The following IL33 variants were observed in gnomAD, a reference collection of about 807,000 sequenced individuals.
The protein encoded by IL33 is interleukin-33.
IL33 carries 37 observed loss-of-function variants against 27.3 expected under a neutral mutation model. That is an observed-to-expected ratio of 1.36 (90% CI 1.04 to 1.78). The LOEUF (loss-of-function observed/expected upper bound fraction) is 1.78. Ranked by LOEUF, IL33 falls within the 40% of genes most tolerant of loss-of-function variation. The pLI is 0.00. For missense variants in IL33, 406 were observed against 311.4 expected (o/e 1.30, Z -2.29); for synonymous variants, 132 against 102.9 (o/e 1.28, Z -1.71).
intron 1 of IL33, among the ~76,000 whole-genome samples, chr9:6,228,724 A>G (rs1044031133): frequency 1.3e-5 from 2 of 151,974 alleles, no homozygotes; most frequent in African/African-American, 4.8e-5. Context: ...GTGTGGTGGC[A>G]CACACCTGTA....
At chr9:6,215,229 C>T (rs777672052), upstream of IL33, among the ~76,000 whole-genome samples, 52 of 152,116 alleles carry the variant, frequency 3.4e-4, no homozygotes, top group Non-Finnish European at 1.0e-4. Context: ...CTCATGGGAT[C>T]TATAGTACAG....
At chr9:6,247,466 A>G (rs1272841899) in intron 2 of IL33, among the ~76,000 whole-genome samples, 1 of 152,178 alleles carries the variant, frequency 6.6e-6, no homozygotes, top group African/African-American at 2.4e-5. Context: ...TATCAGCCAT[A>G]GTCTAGTTCT....
At chr9:6,232,689 C>A (rs1587625637) in intron 1 of IL33, among the ~76,000 whole-genome samples, 1 of 152,192 alleles carries the variant, frequency 6.6e-6, no homozygotes, top group Non-Finnish European at 1.5e-5. Context: ...CTGGGCCCAA[C>A]TACTTAAACT....
chr9:6,222,092 C>G (rs2130101748), intron 1 of IL33, among the ~76,000 whole-genome samples: 1 of 152,256 alleles, frequency 6.6e-6, no homozygotes, highest in Non-Finnish European at 1.5e-5. Flanking sequence ...ATTTTTAGAT[C>G]ACCGCACAAG....
At chr9:6,243,056 A>G (rs2130336561) in intron 2 of IL33, among the ~76,000 whole-genome samples, 1 of 152,288 alleles carries the variant, frequency 6.6e-6, no homozygotes, top group Non-Finnish European at 1.5e-5. Context: ...GAATGGCACC[A>G]AGCTGTTCAT....
Position 6,256,026 on chromosome 9 carries a change from A to G in IL33, c.671A>G (p.His224Arg). 2.5e-6 allele frequency: 4 copies of G among 1,613,582 alleles called. 1 individual carries two copies. Among genetic ancestry groups the G allele is most frequent in the South Asian group, 1.1e-5 (1 of 91,050 alleles). Residue 224 changes from histidine to arginine, a missense_variant, in exon 8 of 8, where the codon CAC (histidine) becomes CGC (arginine). Coordinates refer to ENST00000682010, the MANE Select transcript of IL33 (RefSeq NM_033439.4). ...DQAFFVLHNM[H>R]SNCVSFECKT... ...GCCTTCTTTGTCCTTCATAATATGCACTCCAACTGTGTTTCATTTGAATGC... is the reference window on the plus strand; with the variant it reads ...GCCTTCTTTGTCCTTCATAATATGCGCTCCAACTGTGTTTCATTTGAATGC...
rs1416798569 is a variant in IL33, at chr9:6,255,968, C to T, written c.613C>T (p.Leu205Phe). The T allele has an allele frequency of 1.2e-6, 2 of 1,612,758 alleles. No individual in the cohort carries two copies. Among genetic ancestry groups the T allele is most frequent in the East Asian group, 4.5e-5 (2 of 44,870 alleles). ...HANNKEHSVE[L>F]HKCEKPLPDQ... is the part of the protein sequence containing the mutation. Reference sequence around the variant, plus strand: ...ATTGCTTTCTCTCTTGTTTCCTCAGCTCCATAAGTGTGAAAAACCACTGCC... The same window carrying T: ...ATTGCTTTCTCTCTTGTTTCCTCAGTTCCATAAGTGTGAAAAACCACTGCC... Residue 205 changes from leucine (L) to phenylalanine (F), a missense_variant and splice_region_variant, in exon 8 of 8, where the codon CTC becomes TTC. Leu to Phe is a conservative substitution (Grantham distance 22). Coordinates refer to ENST00000682010, the MANE Select transcript of IL33 (RefSeq NM_033439.4).
chr9:6,235,005 G>GA (rs966002713), intron 1 of IL33, among the ~76,000 whole-genome samples: 56 of 151,238 alleles, frequency 3.7e-4, no homozygotes, highest in Admixed American at 1.2e-3. Context: ...TATTTGGAAG[G>GA]AAAAAAAAAT....
rs1240440599 is a variant in IL33 at position 6,256,010 on chromosome 9, G to A, written c.655G>A (p.Val219Ile). The change falls in exon 8 of 8, where the codon GTC (valine) becomes ATC (isoleucine). Residue 219 changes from valine (V) to isoleucine (I), a missense_variant. Transcript: ENST00000682010. ...EKPLPDQAFF[V>I]LHNMHSNCVS... ...ACCACTGCCAGACCAGGCCTTCTTTGTCCTTCATAATATGCACTCCAACTG... is the reference window on the plus strand; with the variant it reads ...ACCACTGCCAGACCAGGCCTTCTTTATCCTTCATAATATGCACTCCAACTG... 6.2e-7 allele frequency: 1 copy of A among 1,613,554 alleles called. No individual in the cohort carries two copies. The highest frequency in any genetic ancestry group is 8.5e-7 in the Non-Finnish European group (1 of 1,179,706).
chr9:6,216,774 T>TA (rs928680868), intron 1 of IL33, among the ~76,000 whole-genome samples: 9 of 152,122 alleles, frequency 5.9e-5, no homozygotes, highest in African/African-American at 2.2e-4. Context: ...AAACTTTGAA[T>TA]AAAAAATAGC....
At chr9:6,220,521 G>A (rs2130088020) in intron 1 of IL33, among the ~76,000 whole-genome samples, 1 of 152,120 alleles carries the variant, frequency 6.6e-6, no homozygotes, top group African/African-American at 2.4e-5. Flanking sequence ...TTTCTTTTTA[G>A]GGGACTATAT....
At chr9:6,224,231 A>G (rs1818535704) in intron 1 of IL33, among the ~76,000 whole-genome samples, 1 of 152,168 alleles carries the variant, frequency 6.6e-6, no homozygotes, top group African/African-American at 2.4e-5. Context: ...ATATCTATGT[A>G]GTGGGAATAG....
At position 6,234,783 on chromosome 9, in the gene IL33, G is replaced by A. The variant is rs116022424; in HGVS notation, c.-11-6901G>A. On this transcript the variant is annotated intron_variant, in intron 1 of 7. Transcript: ENST00000682010. ...GTCTCCTTCTTTCCTTCCTTCAGAT[G>A]GTGCTTCACACAGACATAAAATTAT... 8.4e-3 allele frequency among the ~76,000 whole-genome samples: 1,277 copies of A among 152,040 alleles called. 21 individuals are homozygous for A. The highest frequency in any genetic ancestry group is 0.029 in the African/African-American group (1,214 of 41,466).
intron 1 of IL33, among the ~76,000 whole-genome samples, chr9:6,222,022 G>C (rs563334570): frequency 3.4e-4 from 51 of 152,128 alleles, no homozygotes; most frequent in Non-Finnish European, 6.8e-4. Flanking sequence ...AGCCCACAAA[G>C]GAGGCAAAGT....
chr9:6,219,531 C>A (rs1173211714), intron 1 of IL33, among the ~76,000 whole-genome samples: 2 of 152,124 alleles, frequency 1.3e-5, no homozygotes, highest in Non-Finnish European at 2.9e-5. Context: ...ATAGTAAAGA[C>A]ACAAATTTTT....
At chr9:6,235,283 G>A (rs1021215664) in intron 1 of IL33, among the ~76,000 whole-genome samples, 4 of 152,054 alleles carry the variant, frequency 2.6e-5, no homozygotes, top group African/African-American at 9.7e-5. Context: ...GGCCTCAAGT[G>A]GTCCTCCTGC....
At chr9:6,232,025 GAAGA>G (rs1818951568) in intron 1 of IL33, among the ~76,000 whole-genome samples, 1 of 152,174 alleles carries the variant, frequency 6.6e-6, no homozygotes, top group South Asian at 2.1e-4. Context: ...CACAATAAAA[GAAGA>G]AAGTCCAACA....
chr9:6,230,238 A>G (rs2130183567), intron 1 of IL33, among the ~76,000 whole-genome samples: 1 of 152,274 alleles, frequency 6.6e-6, no homozygotes, highest in East Asian at 1.9e-4. Flanking sequence ...AAAATCTCAC[A>G]CTATCCCTCC....
intron 4 of IL33, among the ~76,000 whole-genome samples, chr9:6,251,641 C>G (rs1026261162): frequency 2.6e-5 from 4 of 152,018 alleles, no homozygotes; most frequent in African/African-American, 9.7e-5. Context: ...AATTCTAACA[C>G]TTTATACATT....
Sources: gnomAD v4.1 joint callset for allele counts (sites outside exome capture counted in the v4.1 genomes callset) on GRCh38, gnomAD v4.1.1 for gene constraint, MANE v1.5 for transcripts, NCBI Gene and HGNC (gene_info 2026-07-23, HGNC 2026-07-21) for gene names.